Variants in BHMT observed in about 807,000 individuals in gnomAD.
BHMT encodes betaine--homocysteine S-methyltransferase.
Under a neutral mutation model 49.5 loss-of-function variants are expected in BHMT, and 38 were observed. The observed-to-expected ratio is 0.77, with a 90% CI of 0.59 to 1.01. The LOEUF (loss-of-function observed/expected upper bound fraction) is 1.01, where lower values mean the gene tolerates loss of function less well. BHMT is among the 50% of genes least tolerant of loss of function. BHMT has a pLI of 0.00. For synonymous variants in BHMT, 166 were observed against 176.3 expected (o/e 0.94, Z 0.46); for missense variants, 426 against 495.7 (o/e 0.86, Z 1.34).
At position 79,131,064 on chromosome 5, in the gene BHMT, C is replaced by A; in HGVS notation, c.1169C>A (p.Thr390Asn). Residue 390 changes from threonine (T) to asparagine (N), a missense_variant, in exon 8 of 8, where the codon ACT (threonine) becomes AAT (asparagine). Physicochemically the swap from Thr to Asn is moderately conservative, Grantham distance 65. Coordinates refer to ENST00000274353, the MANE Select transcript of BHMT (RefSeq NM_001713.3). ...AELMQQKEATTEQQLKELFEK... is the reference protein window; with the variant it reads ...AELMQQKEATNEQQLKELFEK... Reference sequence around the variant, plus strand: ...CTGATGCAGCAGAAAGAAGCCACAACTGAGCAGCAGCTGAAAGAGCTCTTT... The same window carrying A: ...CTGATGCAGCAGAAAGAAGCCACAAATGAGCAGCAGCTGAAAGAGCTCTTT... The A allele has an allele frequency of 6.2e-7, 1 of 1,613,748 alleles. No homozygotes were observed. The highest frequency in any genetic ancestry group is 8.5e-7 in the Non-Finnish European group (1 of 1,179,820).
At chr5:79,116,057 G>C (rs1756382580) in intron 2 of BHMT, 158 bp downstream of exon 2, 2 of 948,464 alleles carry the variant, frequency 2.1e-6, no homozygotes, top group African/African-American at 1.7e-5. Flanking sequence ...TCTCTCAGAA[G>C]TTTTTTAAAA....
chr5:79,122,843 G>A (rs1756492164), intron 5 of BHMT, among the ~76,000 whole-genome samples: 1 of 152,146 alleles, frequency 6.6e-6, no homozygotes, highest in African/African-American at 2.4e-5. Flanking sequence ...AGCCCAATGG[G>A]AAGGTCAGGG....
chr5:79,120,682 T>A (rs1434377087), intron 4 of BHMT, 141 bp downstream of exon 4: 2 of 816,574 alleles, frequency 2.4e-6, no homozygotes, highest in African/African-American at 3.6e-5. Context: ...CGTTTTCCAA[T>A]TCAGGGCTAC....
intron 5 of BHMT, among the ~76,000 whole-genome samples, chr5:79,123,547 CGTTGGTTGGTTG>C (rs1756507157): frequency 5.4e-5 from 1 of 18,386 alleles, no homozygotes; most frequent in Non-Finnish European, 1.4e-4. Flanking sequence ...TTGGTTGGTT[CGTTGGTTGGTTG>C]GTTGGTTTTG....
chr5:79,119,495 C>T, intron 3 of BHMT, 118 bp downstream of exon 3: 1 of 741,318 alleles, frequency 1.3e-6, no homozygotes, highest in Non-Finnish European at 2.1e-6. Context: ...TCTAATAATA[C>T]AAAAATGAGA....
At chr5:79,116,698 T>C (rs971731725) in intron 2 of BHMT, among the ~76,000 whole-genome samples, 1 of 152,222 alleles carries the variant, frequency 6.6e-6, no homozygotes, top group African/African-American at 2.4e-5. Flanking sequence ...AAGGCTAATC[T>C]CCAACTATGC....
chr5:79,117,340 A>G (rs1756400699), intron 2 of BHMT, among the ~76,000 whole-genome samples: 1 of 152,200 alleles, frequency 6.6e-6, no homozygotes, highest in African/African-American at 2.4e-5. Context: ...AACCTAGTAT[A>G]TAGGCCTTTC....
At chr5:79,114,015 AAGTT>A (rs1756347033) in intron 1 of BHMT, among the ~76,000 whole-genome samples, 1 of 151,580 alleles carries the variant, frequency 6.6e-6, no homozygotes, top group African/African-American at 2.4e-5. Flanking sequence ...ATCCAAATAA[AAGTT>A]AGTAGCAAGT....
intron 1 of BHMT, among the ~76,000 whole-genome samples, chr5:79,113,904 A>G (rs1756346100): frequency 6.6e-6 from 1 of 152,056 alleles, no homozygotes; most frequent in Non-Finnish European, 1.5e-5. Flanking sequence ...CCAGCATCAG[A>G]TCCTTAGCTA....
At chr5:79,125,477 A>AAG (rs1756539197) in intron 5 of BHMT, among the ~76,000 whole-genome samples, 1 of 150,986 alleles carries the variant, frequency 6.6e-6, no homozygotes, top group African/African-American at 2.4e-5. Flanking sequence ...AAAAAAAAAA[A>AAG]AGAGATGGAC....
chr5:79,117,613 T>A (rs989206628), intron 2 of BHMT, among the ~76,000 whole-genome samples: 1 of 152,248 alleles, frequency 6.6e-6, no homozygotes, highest in Admixed American at 6.5e-5. Context: ...AAGGTTTCTA[T>A]GTTCCAGTTA....
intron 2 of BHMT, 56 bp from the exon 3 acceptor site, chr5:79,119,203 G>A: frequency 7.4e-7 from 1 of 1,349,504 alleles, no homozygotes; most frequent in Non-Finnish European, 1.0e-6. Context: ...AGAGCCATTT[G>A]AAAATATCGT....
chr5:79,120,237 T>G (rs1756445907), intron 3 of BHMT, 113 bp from the exon 4 acceptor site: 1 of 1,096,474 alleles, frequency 9.1e-7, no homozygotes, highest in Middle Eastern at 2.5e-4. Flanking sequence ...AACAGTCATT[T>G]TCTGGAATAA....
chr5:79,124,680 C>A (rs142276883), intron 5 of BHMT, among the ~76,000 whole-genome samples: 4 of 152,208 alleles, frequency 2.6e-5, no homozygotes, highest in Non-Finnish European at 5.9e-5. Flanking sequence ...AATGAAATAT[C>A]TAAAACATAG....
intron 7 of BHMT, among the ~76,000 whole-genome samples, chr5:79,129,554 A>G (rs1756605688): frequency 6.6e-6 from 1 of 152,158 alleles, no homozygotes; most frequent in South Asian, 2.1e-4. Flanking sequence ...CCCAAAGGCA[A>G]AGAGGAGCCT....
rs541812610 is a variant in BHMT at position 79,128,218 on chromosome 5, T to A, written c.1037+235T>A. 70 of 606,066 alleles carry A rather than the reference T, an allele frequency of 1.2e-4. 1 individual carries two copies. Among genetic ancestry groups the A allele is most frequent in the East Asian group, 8.2e-4 (25 of 30,606 alleles). The allele number at this position is 606,066 out of a possible 1,614,324, so 37.5% of individuals were successfully genotyped here. A position where few individuals can be genotyped will look rare whatever the true frequency, so the allele number is the denominator to read the frequency against. ...TTGAAAAGAAAAAGAAAAATTTTTT[T>A]AAAAATTGTTTTTAAATATAGGCTG... is the stretch of plus-strand genomic sequence containing the variant. On this transcript the variant is annotated intron_variant, in intron 7 of 7. Coordinates refer to ENST00000274353, the MANE Select transcript of BHMT (RefSeq NM_001713.3).
At chr5:79,114,662 A>G (rs1580267768) in intron 1 of BHMT, among the ~76,000 whole-genome samples, 1 of 152,306 alleles carries the variant, frequency 6.6e-6, no homozygotes, top group African/African-American at 2.4e-5. Flanking sequence ...CACCACCCCC[A>G]ATCCCATTTG....
chr5:79,126,503 C>G (rs1055265600), intron 6 of BHMT, among the ~76,000 whole-genome samples: 1 of 152,108 alleles, frequency 6.6e-6, no homozygotes, highest in African/African-American at 2.4e-5. Context: ...GTGAGTCATA[C>G]TTTGGGGTTG....
rs747373233 is a variant in BHMT, at chr5:79,119,372, A to AT, written c.281dup (p.Ser95IlefsTer7). 1.2e-6 allele frequency: 2 copies of AT among 1,609,898 alleles called. No homozygotes were observed. Among genetic ancestry groups the AT allele is most frequent in the Non-Finnish European group, 1.7e-6 (2 of 1,177,000 alleles). On this transcript the variant is annotated frameshift_variant, in exon 3 of 8. Transcript: ENST00000274353. LOFTEE classifies it high-confidence loss of function. ...CAGGGGCAACTATGTCTTAGAGAAGATATCTGTGAGTAAAACCAGCCGTGG... is the reference window on the plus strand; with the variant it reads ...CAGGGGCAACTATGTCTTAGAGAAGATTATCTGTGAGTAAAACCAGCCGTGG...
Sources: gnomAD v4.1 joint callset for allele counts (sites outside exome capture counted in the v4.1 genomes callset) on GRCh38, gnomAD v4.1.1 for gene constraint, MANE v1.5 for transcripts, NCBI Gene and HGNC (gene_info 2026-07-23, HGNC 2026-07-21) for gene names.